Variants in TUNAR observed in about 807,000 individuals in gnomAD.
The protein encoded by TUNAR is protein TUNAR.
intron 2 of TUNAR, among the ~76,000 whole-genome samples, chr14:95,894,311 AAC>A (rs1421836054): frequency 6.6e-6 from 1 of 152,312 alleles, no homozygotes; most frequent in African/African-American, 2.4e-5. Context: ...GCTCTCATTG[AAC>A]ACACGCTATG....
At chr14:95,890,733 T>A (rs1889166097) in intron 2 of TUNAR, among the ~76,000 whole-genome samples, 2 of 152,234 alleles carry the variant, frequency 1.3e-5, no homozygotes, top group Non-Finnish European at 2.9e-5. Flanking sequence ...CTGCCCTCTC[T>A]CATCAGCATG....
At chr14:95,877,429 G>C (rs1888907359) in intron 2 of TUNAR, among the ~76,000 whole-genome samples, 1 of 152,210 alleles carries the variant, frequency 6.6e-6, no homozygotes, top group African/African-American at 2.4e-5. Context: ...GTCTGGTCTA[G>C]ATAACGGCAT....
chr14:95,910,490 C>T (rs1216798673), intron 2 of TUNAR, among the ~76,000 whole-genome samples: 2 of 152,218 alleles, frequency 1.3e-5, no homozygotes, highest in East Asian at 1.9e-4. Context: ...TAGCTACTGG[C>T]CCCATCATGA....
At chr14:95,922,580 ATCT>A (rs1889715489) in intron 2 of TUNAR, among the ~76,000 whole-genome samples, 198 bp from the exon 2 acceptor site, 1 of 152,160 alleles carries the variant, frequency 6.6e-6, no homozygotes, top group South Asian at 2.1e-4. Flanking sequence ...CAGGACACTC[ATCT>A]TCTAAACCAA....
At chr14:95,917,187 G>T (rs548557911) in intron 2 of TUNAR, among the ~76,000 whole-genome samples, 1 of 152,146 alleles carries the variant, frequency 6.6e-6, no homozygotes, top group Non-Finnish European at 1.5e-5. Context: ...TAAAAGTTTC[G>T]AAGTGTTCTT....
At chr14:95,885,526 G>A (rs2139653433) in intron 2 of TUNAR, among the ~76,000 whole-genome samples, 1 of 152,266 alleles carries the variant, frequency 6.6e-6, no homozygotes, top group African/African-American at 2.4e-5. Context: ...AGTTGAGCGG[G>A]AAAGGCCTTC....
At chr14:95,901,594 A>G (rs1395174979) in intron 2 of TUNAR, among the ~76,000 whole-genome samples, 1 of 152,226 alleles carries the variant, frequency 6.6e-6, no homozygotes, top group Non-Finnish European at 1.5e-5. Context: ...GCCATCGTGG[A>G]CAAATTACTT....
chr14:95,917,332 CAT>C (rs1019687056), intron 2 of TUNAR, among the ~76,000 whole-genome samples: 3 of 152,132 alleles, frequency 2.0e-5, no homozygotes, highest in Non-Finnish European at 2.9e-5. Context: ...CAGCAGTGTC[CAT>C]GTGTGTGTAA....
intron 2 of TUNAR, among the ~76,000 whole-genome samples, chr14:95,879,580 T>A (rs556391183): frequency 6.6e-6 from 1 of 152,248 alleles, no homozygotes; most frequent in Non-Finnish European, 1.5e-5. Context: ...AAAACATTAC[T>A]CTTGTTACTG....
At chr14:95,903,390 T>A (rs1012536223) in intron 2 of TUNAR, among the ~76,000 whole-genome samples, 4 of 152,156 alleles carry the variant, frequency 2.6e-5, no homozygotes, top group Non-Finnish European at 5.9e-5. Context: ...CAGAAAGAGA[T>A]GATGACATCA....
intron 2 of TUNAR, among the ~76,000 whole-genome samples, chr14:95,905,305 A>G (rs1490375085): frequency 6.6e-6 from 1 of 152,176 alleles, no homozygotes; most frequent in African/African-American, 2.4e-5. Context: ...CCTTCCATCC[A>G]GGATCCCGTT....
chr14:95,903,164 A>G (rs1171267615), intron 2 of TUNAR, among the ~76,000 whole-genome samples: 1 of 152,152 alleles, frequency 6.6e-6, no homozygotes, highest in East Asian at 1.9e-4. Flanking sequence ...GCTCTCTCAC[A>G]CCCTGAGGAA....
intron 2 of TUNAR, among the ~76,000 whole-genome samples, chr14:95,903,907 G>A (rs138241743): frequency 9.9e-4 from 151 of 152,344 alleles, no homozygotes; most frequent in African/African-American, 3.6e-3. Flanking sequence ...TGGCCTCAGG[G>A]GAGTTGGATA....
At chr14:95,915,980 CCA>C (rs1450609048) in intron 2 of TUNAR, among the ~76,000 whole-genome samples, 1 of 152,064 alleles carries the variant, frequency 6.6e-6, no homozygotes, top group Non-Finnish European at 1.5e-5. Context: ...CTTAATATAC[CCA>C]GTCTTTAAAA....
At chr14:95,905,863 T>TCC (rs1476003297) in intron 2 of TUNAR, among the ~76,000 whole-genome samples, 1 of 152,222 alleles carries the variant, frequency 6.6e-6, no homozygotes, top group African/African-American at 2.4e-5. Flanking sequence ...TTGGTCTTTC[T>TCC]CCCCCATTTA....
At chr14:95,888,460 A>T (rs113254659) in intron 2 of TUNAR, among the ~76,000 whole-genome samples, 4 of 152,260 alleles carry the variant, frequency 2.6e-5, no homozygotes, top group African/African-American at 9.6e-5. Context: ...TGCGGGCCTC[A>T]TGTGAGGTTG....
intron 2 of TUNAR, among the ~76,000 whole-genome samples, chr14:95,902,612 G>A (rs954515332): frequency 4.6e-5 from 7 of 152,202 alleles, no homozygotes; most frequent in Admixed American, 1.3e-4. Context: ...CTTAGCAAAC[G>A]CTGATCTCCC....
chr14:95,886,231 G>A (rs1054925791), intron 2 of TUNAR, among the ~76,000 whole-genome samples: 1 of 152,212 alleles, frequency 6.6e-6, no homozygotes, highest in African/African-American at 2.4e-5. Flanking sequence ...GCTTCCCCCA[G>A]CAGTGGGCTC....
At chr14:95,920,030 T>C (rs553958533) in intron 2 of TUNAR, among the ~76,000 whole-genome samples, 1 of 152,318 alleles carries the variant, frequency 6.6e-6, no homozygotes, top group East Asian at 1.9e-4. Context: ...AGCCATAGAA[T>C]AGAGACATAA....
Sources: gnomAD v4.1 joint callset for allele counts (sites outside exome capture counted in the v4.1 genomes callset) on GRCh38, gnomAD v4.1.1 for gene constraint, MANE v1.5 for transcripts, NCBI Gene and HGNC (gene_info 2026-07-23, HGNC 2026-07-21) for gene names.